The following EMC2 variants were observed in gnomAD, a reference collection of about 807,000 sequenced individuals.
EMC2 encodes the protein TPR repeat protein 35.
Under a neutral mutation model 51.6 loss-of-function variants are expected in EMC2, and 37 were observed. The ratio of observed to expected loss-of-function variants is 0.72; its 90% CI spans 0.55 to 0.94. The LOEUF is 0.94. Ranked by LOEUF, EMC2 falls within the 40% of genes least tolerant of loss-of-function variation. The pLI, the probability that EMC2 is intolerant of heterozygous loss-of-function variation, is 0.00. For synonymous variants in EMC2, 131 were observed against 112.4 expected, an observed-to-expected ratio of 1.17 and a Z score of -1.04; for missense variants, 359 against 350.9, an observed-to-expected ratio of 1.02 and a Z score of -0.18.
chr8:108,449,986 CTTTTT>C, intron 2 of EMC2, 50 bp downstream of exon 2: 2 of 493,526 alleles, frequency 4.1e-6, no homozygotes, highest in Non-Finnish European at 6.9e-6. Context: ...ATTCATGGGC[CTTTTT>C]TTTTTTTTAA....
chr8:108,454,270 C>T (rs1312167104), intron 4 of EMC2, among the ~76,000 whole-genome samples: 1 of 151,942 alleles, frequency 6.6e-6, no homozygotes, highest in Non-Finnish European at 1.5e-5. Flanking sequence ...CTATTGATTG[C>T]TCTTGTTATT....
chr8:108,476,670 T>G (rs1810952819), intron 8 of EMC2, 112 bp from the exon 9 acceptor site: 1 of 549,734 alleles, frequency 1.8e-6, no homozygotes, highest in African/African-American at 1.9e-5. Flanking sequence ...ATCTTGTATT[T>G]GTTTACAGAG....
intron 10 of EMC2, among the ~76,000 whole-genome samples, chr8:108,483,073 T>C (rs1811076089): frequency 6.6e-6 from 1 of 152,098 alleles, no homozygotes. Context: ...TCTGATATAA[T>C]TATTAGCTAT....
intron 1 of EMC2, among the ~76,000 whole-genome samples, chr8:108,447,389 C>G (rs886574052): frequency 2.0e-5 from 3 of 152,168 alleles, no homozygotes; most frequent in African/African-American, 7.2e-5. Flanking sequence ...CTGTTCCCAA[C>G]AGCCTGCAGC....
chr8:108,484,419 A>T (rs891530778), intron 10 of EMC2, among the ~76,000 whole-genome samples: 1 of 152,028 alleles, frequency 6.6e-6, no homozygotes, highest in Non-Finnish European at 1.5e-5. Context: ...TATTTGGTTT[A>T]TTCTAAATTG....
chr8:108,481,695 A>G (rs1272160897), intron 10 of EMC2, among the ~76,000 whole-genome samples: 1 of 152,184 alleles, frequency 6.6e-6, no homozygotes, highest in African/African-American at 2.4e-5. Context: ...GCTAATAAAT[A>G]TAAACATTGC....
rs894209679 is a variant in EMC2 at position 108,451,460 on chromosome 8, C to G, written c.219+968C>G. Among the ~76,000 whole-genome samples the G allele has an allele frequency of 3.9e-5, 6 of 151,942 alleles. No homozygotes were observed. The East Asian group carries it at 1.2e-3, about 29-fold the overall frequency. On this transcript the variant is annotated intron_variant, in intron 3 of 10. Transcript: ENST00000220853. ...ATTCTTAAGTACCGCTTCATGCTGC[C>G]TCTGTATTTAAACTGAAAGAAAATA...
intron 1 of EMC2, among the ~76,000 whole-genome samples, chr8:108,445,504 C>T (rs987528642): frequency 2.6e-5 from 4 of 151,970 alleles, no homozygotes; most frequent in Non-Finnish European, 4.4e-5. Flanking sequence ...TAAACTTTAT[C>T]ATTTATCAAT....
intron 10 of EMC2, 107 bp downstream of exon 10, chr8:108,479,217 T>C (rs1811002950): frequency 6.6e-6 from 3 of 454,658 alleles, no homozygotes; most frequent in African/African-American, 2.0e-5. Context: ...TATATATGCC[T>C]TTGGGGCTTT....
At chr8:108,460,765 C>T (rs1206683004) in intron 5 of EMC2, among the ~76,000 whole-genome samples, 1 of 152,092 alleles carries the variant, frequency 6.6e-6, no homozygotes, top group Non-Finnish European at 1.5e-5. Flanking sequence ...AGGGATACTC[C>T]CTGTAGTAAC....
chr8:108,449,342 C>G (rs180823861), intron 1 of EMC2, among the ~76,000 whole-genome samples: 3 of 151,362 alleles, frequency 2.0e-5, no homozygotes, highest in African/African-American at 4.9e-5. Context: ...GGCACGATCT[C>G]GGCTCACGCA....
At chr8:108,457,327 TGTGC>T (rs1215763688) in intron 5 of EMC2, among the ~76,000 whole-genome samples, 90 of 85,508 alleles carry the variant, frequency 1.1e-3, no homozygotes, top group Middle Eastern at 5.6e-3. Flanking sequence ...TGTGCGTGTG[TGTGC>T]GTGTGTGTGT....
chr8:108,467,216 C>T lies in EMC2; in HGVS notation c.364-2610C>T, dbSNP rs115794326. Among the ~76,000 whole-genome samples the T allele has an allele frequency of 9.5e-3, 1,444 of 152,084 alleles. 17 individuals carry two copies. Among genetic ancestry groups the T allele is most frequent in the African/African-American group, 0.033 (1,372 of 41,474 alleles). ...ATGAATGCGTGGAAACTAAGATGTG[C>T]GTTTCTATTTTTATCTTAGTTTTTT... On this transcript the variant is annotated intron_variant, in intron 5 of 10. Coordinates refer to ENST00000220853, the MANE Select transcript of EMC2 (RefSeq NM_014673.5).
chr8:108,469,007 G>A (rs35541867), intron 5 of EMC2, among the ~76,000 whole-genome samples: 34,426 of 151,858 alleles, frequency 0.23, 4,810 homozygotes, highest in East Asian at 0.41. Flanking sequence ...TTTGCTTTCT[G>A]TCTTTCCAGT....
At chr8:108,456,332 C>CAAAAAAAAAAAAAAAAAAAAAA (rs869162246) in intron 5 of EMC2, among the ~76,000 whole-genome samples, 2 of 23,608 alleles carry the variant, frequency 8.5e-5, no homozygotes, top group African/African-American at 1.9e-4. Flanking sequence ...GACTTCGTGT[C>CAAAAAAAAAAAAAAAAAAAAAA]AAAAAAAAAA....
intron 6 of EMC2, 57 bp from the exon 7 acceptor site, chr8:108,470,005 T>C (rs1394739763): frequency 1.2e-5 from 19 of 1,549,840 alleles, no homozygotes; most frequent in Non-Finnish European, 1.7e-5. Flanking sequence ...TTTGTTTTCA[T>C]GCTGTTCATT....
At chr8:108,461,679 C>T (rs1215436576) in intron 5 of EMC2, among the ~76,000 whole-genome samples, 2 of 152,088 alleles carry the variant, frequency 1.3e-5, no homozygotes, top group Non-Finnish European at 2.9e-5. Flanking sequence ...GAATGGCATA[C>T]CTTCTTCCCA....
chr8:108,482,598 T>A (rs1245433335), intron 10 of EMC2, among the ~76,000 whole-genome samples: 1 of 85,840 alleles, frequency 1.2e-5, no homozygotes. Flanking sequence ...TTTATTTTTT[T>A]AAGACAGAAT....
In EMC2 at chr8:108,457,923, T is replaced by C. The variant is rs182602503; in HGVS notation, c.363+1993T>C. Among the ~76,000 whole-genome samples the C allele has an allele frequency of 3.5e-3, 530 of 152,312 alleles. 5 individuals carry two copies. Among genetic ancestry groups the C allele is most frequent in the African/African-American group, 0.012 (500 of 41,550 alleles). ...CTCATCTGAGATAAGGCAAGTCCCT[T>C]CCACCTATGATCCTGTAAAATCAAA... On this transcript the variant is annotated intron_variant, in intron 5 of 10. Coordinates refer to ENST00000220853, the MANE Select transcript of EMC2 (RefSeq NM_014673.5).
Sources: allele counts gnomAD v4.1 joint callset (sites outside exome capture counted in the v4.1 genomes callset), GRCh38; gene constraint gnomAD v4.1.1; transcripts MANE v1.5; gene names NCBI Gene and HGNC (gene_info 2026-07-23, HGNC 2026-07-21).